NCEH1: variants seen among roughly 807,000 people sequenced by gnomAD.
NCEH1 encodes the protein neutral cholesterol ester hydrolase 1.
In NCEH1, 9 loss-of-function variants were observed where a neutral mutation model predicts 25.4. That is an observed-to-expected ratio of 0.35 (90% CI 0.21 to 0.62). NCEH1 has a LOEUF of 0.62. NCEH1 is among the 20% of genes least tolerant of loss of function. The pLI is 0.72. For synonymous variants in NCEH1, 200 were observed against 199.8 expected (o/e 1.00, Z -0.01); for missense variants, 412 against 501.1 (o/e 0.82, Z 1.70).
intron 1 of NCEH1, among the ~76,000 whole-genome samples, chr3:172,708,694 A>G (rs940924526): frequency 6.6e-6 from 1 of 152,198 alleles, no homozygotes; most frequent in South Asian, 2.1e-4. Flanking sequence ...TCCAGGTTTC[A>G]ATCACATAAA....
rs748690895 is a variant in NCEH1 at position 172,647,928 on chromosome 3, C to T, written c.325G>A (p.Val109Ile). The T allele has an allele frequency of 1.2e-5, 19 of 1,614,080 alleles. No homozygotes were observed. Among genetic ancestry groups the T allele is most frequent in the East Asian group, 1.1e-4 (5 of 44,898 alleles). Residue 109 changes from valine to isoleucine, a missense_variant, in exon 2 of 5, where the codon GTC (valine) becomes ATC (isoleucine). By Grantham distance (29) the Val-to-Ile change is conservative. Around this residue, in one of 3 missense-constraint regions of NCEH1, gnomAD observed 178 missense variants for 189.2 expected, o/e 0.94. Coordinates refer to ENST00000475381, the MANE Select transcript of NCEH1 (RefSeq NM_020792.6). ...CAGCCTCCTCCGTGGATATAAACGA[C>T]GCTGCGTTTCAGTGGCTCTTCGGGC... is the stretch of plus-strand genomic sequence containing the variant. ...PKPEEPLKRS[V>I]VYIHGGGWAL... is the part of the protein sequence containing the mutation.
In NCEH1 at chr3:172,664,336, G is replaced by T. The variant is rs190115717; in HGVS notation, c.139-16222C>A. ...GTTTCTGCAGAGAGATCCACTATTG[G>T]TCGGATGGGCTTCCCTTTGTACGTA... On this transcript the variant is annotated intron_variant, in intron 1 of 4. Transcript: ENST00000475381. 1.5e-3 allele frequency among the ~76,000 whole-genome samples: 232 copies of T among 152,324 alleles called. 1 individual carries two copies. Among genetic ancestry groups the T allele is most frequent in the African/African-American group, 5.4e-3 (225 of 41,554 alleles).
In NCEH1 at chr3:172,632,455, T is replaced by C. The variant is rs573567762; in HGVS notation, c.*1020A>G. 1 of 152,674 alleles carries C rather than the reference T, an allele frequency of 6.5e-6. No individual in the cohort carries two copies. Among genetic ancestry groups the C allele is most frequent in the South Asian group, 2.1e-4 (1 of 4,816 alleles). 9.5% of individuals were successfully genotyped at this position (152,674 alleles called of 1,614,324 possible). The stretch of plus-strand genomic sequence containing the variant: ...TTAAAAAAATAAACAATACATTATA[T>C]TGTAGCAAAATAGCTCCATTTTAAA... On this transcript the variant is annotated 3_prime_UTR_variant, in exon 5 of 5. Coordinates refer to ENST00000475381, the MANE Select transcript of NCEH1 (RefSeq NM_020792.6).
intron 1 of NCEH1, among the ~76,000 whole-genome samples, chr3:172,650,228 T>C (rs1488257732): frequency 6.6e-6 from 1 of 152,134 alleles, no homozygotes; most frequent in Non-Finnish European, 1.5e-5. Flanking sequence ...TTTGGCTGAG[T>C]GCAGTGGCTC....
intron 1 of NCEH1, among the ~76,000 whole-genome samples, chr3:172,704,738 C>T (rs892633956): frequency 3.3e-5 from 5 of 152,236 alleles, no homozygotes; most frequent in African/African-American, 9.6e-5. Context: ...GGCACGTTGG[C>T]TTATGCCTGT....
chr3:172,635,006 A>G (rs1236544912), intron 4 of NCEH1, among the ~76,000 whole-genome samples: 2 of 152,198 alleles, frequency 1.3e-5, no homozygotes, highest in African/African-American at 2.4e-5. Flanking sequence ...ACAGCCCTGC[A>G]ATCAGATGAC....
intron 1 of NCEH1, among the ~76,000 whole-genome samples, chr3:172,708,439 T>G (rs992331783): frequency 9.9e-5 from 15 of 152,204 alleles, no homozygotes; most frequent in Admixed American, 9.8e-4. Context: ...CAACGCAACC[T>G]CCGCCTCCCA....
chr3:172,672,016 TACTC>T (rs1210607276), intron 1 of NCEH1, among the ~76,000 whole-genome samples: 2 of 152,250 alleles, frequency 1.3e-5, no homozygotes, highest in African/African-American at 4.8e-5. Context: ...ATTTGCTTAC[TACTC>T]ATTCACTGAT....
At chr3:172,647,113 T>TA (rs200065742) in intron 2 of NCEH1, among the ~76,000 whole-genome samples, 5,884 of 151,774 alleles carry the variant, frequency 0.039, 342 homozygotes, top group African/African-American at 0.13. Context: ...TTGTTGCTTT[T>TA]AAAAAAAAAT....
At chr3:172,653,765 T>TTTTTTTTTG (rs1560186657) in intron 1 of NCEH1, among the ~76,000 whole-genome samples, 1 of 134,380 alleles carries the variant, frequency 7.4e-6, no homozygotes, top group African/African-American at 3.0e-5. Flanking sequence ...TTTTTGTTTT[T>TTTTTTTTTG]TTTTTTTTTT....
chr3:172,699,960 AC>A (rs1713591609), intron 1 of NCEH1, among the ~76,000 whole-genome samples: 1 of 152,208 alleles, frequency 6.6e-6, no homozygotes, highest in Non-Finnish European at 1.5e-5. Flanking sequence ...TTATACGGCT[AC>A]CTAAATACAT....
chr3:172,663,758 CTT>C lies in NCEH1; in HGVS notation c.139-15646_139-15645del, dbSNP rs531708624. ...TTTGATCTTTGTTGGTTTAAAGTCT[CTT>C]TTATCAGAGACTAGGATTGCAACCC... is the stretch of plus-strand genomic sequence containing the variant. On this transcript the variant is annotated intron_variant, in intron 1 of 4. Transcript: ENST00000475381. Among the ~76,000 whole-genome samples the C allele has an allele frequency of 3.6e-3, 547 of 152,128 alleles. 3 individuals are homozygous for C. Among genetic ancestry groups the C allele is most frequent in the African/African-American group, 0.013 (535 of 41,506 alleles).
chr3:172,656,292 G>T (rs1717689275), intron 1 of NCEH1, among the ~76,000 whole-genome samples: 1 of 152,204 alleles, frequency 6.6e-6, no homozygotes, highest in Non-Finnish European at 1.5e-5. Context: ...AGTTACAGAA[G>T]TAAAAGGAAT....
chr3:172,706,390 A>T (rs1257822494), intron 1 of NCEH1, among the ~76,000 whole-genome samples: 1 of 152,196 alleles, frequency 6.6e-6, no homozygotes, highest in Non-Finnish European at 1.5e-5. Context: ...CACATGGTAC[A>T]AATCTTTTGC....
intron 1 of NCEH1, among the ~76,000 whole-genome samples, chr3:172,685,187 G>A (rs1263494425): frequency 6.6e-6 from 1 of 151,862 alleles, no homozygotes; most frequent in African/African-American, 2.4e-5. Flanking sequence ...CCAGCTACTT[G>A]GGAGGCTGAG....
Position 172,633,297 on chromosome 3 carries a change from G to C in NCEH1, c.*178C>G, listed in dbSNP as rs1330380928. 3.0e-6 allele frequency: 2 copies of C among 668,892 alleles called. No individual in the cohort carries two copies. Among genetic ancestry groups the C allele is most frequent in the Non-Finnish European group, 5.0e-6 (2 of 397,238 alleles). The allele number at this position is 668,892 out of a possible 1,614,324, so 41.4% of individuals were successfully genotyped here. On this transcript the variant is annotated 3_prime_UTR_variant, in exon 5 of 5. Coordinates refer to ENST00000475381, the MANE Select transcript of NCEH1 (RefSeq NM_020792.6). Reference sequence around the variant, plus strand: ...ATTTACATGTTTTGCACTTAAGTTAGTCAAATTCATTTTTAAAAATTAGGT... The same window carrying C: ...ATTTACATGTTTTGCACTTAAGTTACTCAAATTCATTTTTAAAAATTAGGT...
chr3:172,671,538 T>G (rs1253276399), intron 1 of NCEH1, among the ~76,000 whole-genome samples: 1 of 114,316 alleles, frequency 8.7e-6, no homozygotes, highest in Admixed American at 8.6e-5. Flanking sequence ...CATATATAGA[T>G]ATATATACAA....
chr3:172,684,189 G>A (rs1712561902), intron 1 of NCEH1, among the ~76,000 whole-genome samples: 1 of 152,188 alleles, frequency 6.6e-6, no homozygotes, highest in Non-Finnish European at 1.5e-5. Context: ...CTCGCATACA[G>A]TGTGTTCAAC....
intron 1 of NCEH1, among the ~76,000 whole-genome samples, chr3:172,664,727 C>T (rs75729994): frequency 0.022 from 3,274 of 152,238 alleles, 113 homozygotes; most frequent in African/African-American, 0.075. Flanking sequence ...ATCACTGACC[C>T]CCTTCTTCCA....
Sources: gnomAD v4.1 joint callset for allele counts (sites outside exome capture counted in the v4.1 genomes callset) on GRCh38, gnomAD v4.1.1 for gene constraint, gnomAD v4.1.1 regional missense constraint, MANE v1.5 for transcripts, NCBI Gene and HGNC (gene_info 2026-07-23, HGNC 2026-07-21) for gene names.